ACOX3: variants seen among roughly 807,000 people sequenced by gnomAD.
ACOX3 encodes the protein peroxisomal acyl-coenzyme A oxidase 3.
A neutral mutation model predicts 81.5 loss-of-function variants in ACOX3; 73 were observed. That is an observed-to-expected ratio of 0.90 (90% CI 0.74 to 1.09). ACOX3 has a LOEUF of 1.09. Among genes scored for constraint, ACOX3 ranks in the 50% least tolerant of loss-of-function variants. The pLI, the probability that ACOX3 is intolerant of heterozygous loss-of-function variation, is 0.00. For synonymous variants in ACOX3, 387 were observed against 375.1 expected (o/e 1.03, Z -0.37); for missense variants, 947 against 928.0 (o/e 1.02, Z -0.27).
intron 5 of ACOX3, among the ~76,000 whole-genome samples, chr4:8,413,255 C>CTGT (rs1721953207): frequency 7.8e-6 from 1 of 128,260 alleles, no homozygotes. Flanking sequence ...CCCTCCACCC[C>CTGT]GCACCCCTCC....
chr4:8,420,027 A>C (rs1234904595), intron 1 of ACOX3, among the ~76,000 whole-genome samples: 1 of 152,202 alleles, frequency 6.6e-6, no homozygotes, highest in Non-Finnish European at 1.5e-5. Flanking sequence ...TGTGCAGGTG[A>C]CTGTGTTAAG....
In ACOX3 at chr4:8,415,534, T is replaced by C. The variant is rs2108982207; in HGVS notation, c.378+232A>G. Among the ~76,000 whole-genome samples, 3 of 151,830 alleles carry C rather than the reference T, an allele frequency of 2.0e-5. No individual in the cohort carries two copies. In the South Asian group the frequency reaches 6.3e-4, roughly 32 times the overall value. ...CCACATTGTATTTTATTCAAGGACT[T>C]ATGGGTGCAAATTTACAAATACATG... On this transcript the variant is annotated intron_variant, in intron 3 of 17. Coordinates refer to ENST00000356406, the MANE Select transcript of ACOX3 (RefSeq NM_003501.3).
chr4:8,371,151 C>T (rs994592208), intron 16 of ACOX3, among the ~76,000 whole-genome samples, 157 bp from the exon 17 acceptor site: 4 of 152,196 alleles, frequency 2.6e-5, no homozygotes, highest in African/African-American at 9.7e-5. Context: ...TCTTCACCGG[C>T]CTGGATTCGA....
intron 7 of ACOX3, among the ~76,000 whole-genome samples, chr4:8,402,968 G>A (rs1409506012): frequency 1.3e-5 from 2 of 152,136 alleles, no homozygotes; most frequent in African/African-American, 4.8e-5. Context: ...CGTTGAGTTC[G>A]GCAGCCATCC....
rs1476572036 is a variant in ACOX3, at chr4:8,416,333, C to A, written c.144+45G>T. 8.7e-6 allele frequency: 14 copies of A among 1,613,416 alleles called. No homozygotes were observed. The highest frequency in any genetic ancestry group is 1.2e-5 in the Non-Finnish European group (14 of 1,179,952). On this transcript the variant is annotated intron_variant, in intron 2 of 17. Transcript: ENST00000356406. This position sits in a 1 kb window ranked among gnomAD's most constrained non-coding sequence, Gnocchi z 4.2. ...ATCCCATTCTGCTAACGAACTAAGA[C>A]CCCACTGGGAAAAAAGACAAGCTGC...
At chr4:8,390,155 T>C (rs112961877) in intron 11 of ACOX3, among the ~76,000 whole-genome samples, 5,156 of 142,366 alleles carry the variant, frequency 0.036, 234 homozygotes, top group African/African-American at 0.12. Flanking sequence ...CTGGGCAACA[T>C]AGTGAGACCC....
Position 8,386,579 on chromosome 4 carries a change from AAAAG to A in ACOX3, c.1537+2590_1537+2593del, listed in dbSNP as rs1473461211. 2.0e-5 allele frequency among the ~76,000 whole-genome samples: 3 copies of A among 151,960 alleles called. No individual in the cohort carries two copies. Among genetic ancestry groups the A allele is most frequent in the South Asian group, 2.1e-4 (1 of 4,814 alleles). On this transcript the variant is annotated intron_variant, in intron 13 of 17. Transcript: ENST00000356406. The surrounding 1 kb of genome is among the most constrained non-coding windows in gnomAD (Gnocchi z 5.2). ...AGACTCCGTCTCAAAAAAAAAAAAA[AAAAG>A]AAAGTGACTTGCAAACATCAGAAAT...
the ACOX3 span, among the ~76,000 whole-genome samples, chr4:8,361,034 T>C: frequency 3.3e-5 from 5 of 152,180 alleles, no homozygotes; most frequent in African/African-American, 9.6e-5. Context: ...CAGTTTTACA[T>C]GCAAGATGTG....
intron 7 of ACOX3, among the ~76,000 whole-genome samples, chr4:8,402,493 G>A (rs1720476997): frequency 2.0e-5 from 3 of 152,140 alleles, no homozygotes; most frequent in South Asian, 2.1e-4. Flanking sequence ...AGTATGATCC[G>A]GTCACAGTCA....
intron 14 of ACOX3, among the ~76,000 whole-genome samples, chr4:8,378,830 C>T (rs1262946795): frequency 6.6e-6 from 1 of 152,214 alleles, no homozygotes; most frequent in East Asian, 1.9e-4. Context: ...AGATTTTCTC[C>T]ACCAGGTCAA....
the ACOX3 span, chr4:8,355,389 G>T: frequency 1.3e-5 from 2 of 152,200 alleles, no homozygotes; most frequent in Non-Finnish European, 2.9e-5. Context: ...AACAACAGAA[G>T]CTGATGTGAG....
chr4:8,364,562 G>T (rs1715314355), downstream of ACOX3, among the ~76,000 whole-genome samples: 2 of 151,470 alleles, frequency 1.3e-5, no homozygotes, highest in African/African-American at 4.9e-5. This position sits in a 1 kb window ranked among gnomAD's most constrained non-coding sequence, Gnocchi z 5.0. Context: ...GTCTGACATG[G>T]TGACATCATG....
intron 14 of ACOX3, among the ~76,000 whole-genome samples, chr4:8,380,907 C>A (rs1240812011): frequency 6.6e-6 from 1 of 152,166 alleles, no homozygotes; most frequent in Non-Finnish European, 1.5e-5. Context: ...GGGGGCTGGG[C>A]TCTGCTCTAG....
In ACOX3 at chr4:8,378,797, C is replaced by A. The variant is rs377385346; in HGVS notation, c.1653+2695G>T. Among the ~76,000 whole-genome samples, 5 of 152,304 alleles carry A rather than the reference C, an allele frequency of 3.3e-5. No individual in the cohort carries two copies. The East Asian group carries it at 7.7e-4, about 23-fold the overall frequency. ...GGTGGATAGCAGTTACTGGCAGGAG[C>A]CAGAAAATGTTTAAAAGTTAATAGA... On this transcript the variant is annotated intron_variant, in intron 14 of 17. Transcript: ENST00000356406.
chr4:8,403,695 A>G (rs550136664), intron 7 of ACOX3, among the ~76,000 whole-genome samples: 1 of 152,234 alleles, frequency 6.6e-6, no homozygotes, highest in African/African-American at 2.4e-5. Context: ...TTAATCATTA[A>G]TGGTTTGATC....
rs972595832 is a variant in ACOX3 at position 8,395,432 on chromosome 4, A to G, written c.1057-690T>C. ...GATGGGTGGGTGGGTGGCTGGGTAC[A>G]TGGCAGGACAAGCCTGAGAGGATCC... On this transcript the variant is annotated intron_variant, in intron 9 of 17. Coordinates refer to ENST00000356406, the MANE Select transcript of ACOX3 (RefSeq NM_003501.3). 2.6e-5 allele frequency among the ~76,000 whole-genome samples: 4 copies of G among 151,736 alleles called. No homozygotes were observed. In the East Asian group the frequency reaches 7.8e-4, roughly 29 times the overall value.
Position 8,434,313 on chromosome 4 carries a change from G to A in ACOX3, c.-15+6335C>T, listed in dbSNP as rs542933872. Among the ~76,000 whole-genome samples, 5 of 152,262 alleles carry A rather than the reference G, an allele frequency of 3.3e-5. No individual in the cohort carries two copies. In the South Asian group the frequency reaches 6.2e-4, roughly 19 times the overall value. ...AAGCCACAAGTCTGCCAGTGCTTCC[G>A]GCCGAATAAACCTCTTTCTTCTTTA... On this transcript the variant is annotated intron_variant, in intron 1 of 17. Transcript: ENST00000356406.
chr4:8,386,377 T>G lies in ACOX3; in HGVS notation c.1537+2796A>C, dbSNP rs1490163873. Among the ~76,000 whole-genome samples, 3 of 151,938 alleles carry G rather than the reference T, an allele frequency of 2.0e-5. No individual in the cohort carries two copies. The highest frequency in any genetic ancestry group is 4.4e-5 in the Non-Finnish European group (3 of 67,994). ...GTCAGGATATCGAGACCATCCTGCC[T>G]AACACGGTGAAACTCCGTCTCTACT... On this transcript the variant is annotated intron_variant, in intron 13 of 17. Coordinates refer to ENST00000356406, the MANE Select transcript of ACOX3 (RefSeq NM_003501.3). This position sits in a 1 kb window ranked among gnomAD's most constrained non-coding sequence, Gnocchi z 5.2.
chr4:8,440,462 A>G (rs1300234554), intron 1 of ACOX3, among the ~76,000 whole-genome samples, 186 bp downstream of exon 1: 1 of 152,220 alleles, frequency 6.6e-6, no homozygotes, highest in African/African-American at 2.4e-5. Flanking sequence ...CCAAGTGGAG[A>G]AAAGTTAGCT....
Sources: gnomAD v4.1 joint callset for allele counts (sites outside exome capture counted in the v4.1 genomes callset) on GRCh38, gnomAD v4.1.1 for gene constraint, Gnocchi (gnomAD v3.1) non-coding constraint, MANE v1.5 for transcripts, NCBI Gene and HGNC (gene_info 2026-07-23, HGNC 2026-07-21) for gene names.